The following KALRN variants were observed in gnomAD, a reference collection of about 807,000 sequenced individuals.
KALRN encodes kalirin.
A neutral mutation model predicts 353.7 loss-of-function variants in KALRN; 70 were observed. That is an observed-to-expected ratio of 0.20 (90% CI 0.16 to 0.24). The LOEUF (loss-of-function observed/expected upper bound fraction) is 0.24. KALRN is among the 10% of genes least tolerant of loss of function. The pLI, the probability that KALRN is intolerant of heterozygous loss-of-function variation, is 1.00. For missense variants in KALRN, 2,791 were observed against 3,756.7 expected (o/e 0.74, Z 6.72); for synonymous variants, 1,391 against 1,434.8 (o/e 0.97, Z 0.69).
chr3:124,423,066 CAG>C, intron 15 of KALRN, 88 bp downstream of exon 15: 2 of 1,296,168 alleles, frequency 1.5e-6, no homozygotes, highest in Non-Finnish European at 2.2e-6. Context: ...GTAAGGCATA[CAG>C]AGCCACAGGT....
rs369081481 is a variant in KALRN at position 124,423,545 on chromosome 3, T to C, written c.2709+567T>C. Among the ~76,000 whole-genome samples, 3 of 152,258 alleles carry C rather than the reference T, an allele frequency of 2.0e-5. No homozygotes were observed. The East Asian group carries it at 5.8e-4, about 29-fold the overall frequency. On this transcript the variant is annotated intron_variant, in intron 15 of 59. Transcript: ENST00000682506. ...ATTTTATGCTAGATCTCTAGGAACC[T>C]GTGGGAACATACACACAATGACCAA...
intron 34 of KALRN, among the ~76,000 whole-genome samples, chr3:124,617,286 A>G (rs1228252094): frequency 1.3e-5 from 2 of 152,264 alleles, no homozygotes; most frequent in South Asian, 2.1e-4. Context: ...GTGAACTGTC[A>G]TTGAGCCACT....
chr3:124,036,823 G>A (rs922675134), intron 1 of KALRN, among the ~76,000 whole-genome samples: 2 of 152,200 alleles, frequency 1.3e-5, no homozygotes, highest in Non-Finnish European at 2.9e-5. Flanking sequence ...AAATTATTCT[G>A]TCATTTTGGT....
At chr3:124,330,246 TCACACA>T (rs774251256) in intron 8 of KALRN, among the ~76,000 whole-genome samples, 2,725 of 134,252 alleles carry the variant, frequency 0.02, 60 homozygotes, top group African/African-American at 0.057. Context: ...TCTCTCTCTC[TCACACA>T]CACACACACA....
rs763600599 is a variant in KALRN, at chr3:124,632,436, C to T, written c.5199C>T (p.Ser1733=). ...FPLVKDAYSH[S]SSENGGKSES... is the part of the protein sequence containing the mutation. ...TTTCCTCAGATGCATACTCTCATTC[C>T]TCAAGCGAGAATGGAGGCAAGTCCG... Residue 1733 remains serine, a synonymous_variant, in exon 35 of 60, where the codon TCC becomes TCT. Coordinates refer to ENST00000682506, the MANE Select transcript of KALRN (RefSeq NM_001388419.1). The T allele has an allele frequency of 6.2e-7, 1 of 1,613,918 alleles. No homozygotes were observed. Among genetic ancestry groups the T allele is most frequent in the Non-Finnish European group, 8.5e-7 (1 of 1,179,878 alleles).
intron 1 of KALRN, among the ~76,000 whole-genome samples, chr3:124,117,312 A>G (rs2149555465): frequency 6.7e-6 from 1 of 149,550 alleles, no homozygotes; most frequent in African/African-American, 2.6e-5. Flanking sequence ...ATGGAAAAGA[A>G]AAACAGTGTT....
At chr3:124,678,585 G>T (rs1245960123) in intron 50 of KALRN, 14 of 231,646 alleles carry the variant, frequency 6.0e-5, no homozygotes, top group Non-Finnish European at 1.0e-4. Context: ...ATTATCTGCA[G>T]CATTCTCTTA....
At chr3:124,244,779 A>G (rs898362346) in intron 3 of KALRN, among the ~76,000 whole-genome samples, 1 of 152,122 alleles carries the variant, frequency 6.6e-6, no homozygotes, top group Non-Finnish European at 1.5e-5. Flanking sequence ...CTTTGTCTGT[A>G]TCTTAAGTGG....
rs375070296 is a variant in KALRN, at chr3:124,631,401, C to T, written c.5183-1019C>T. The stretch of plus-strand genomic sequence containing the variant: ...ATGGGCATCTCAAAGATGTCTAAAC[C>T]TAAACTCCTATATTTCCTCCCTGAG... On this transcript the variant is annotated intron_variant, in intron 34 of 59. Transcript: ENST00000682506. 1.5e-4 allele frequency among the ~76,000 whole-genome samples: 23 copies of T among 152,284 alleles called. No homozygotes were observed. The South Asian group carries it at 4.8e-3, about 32-fold the overall frequency.
chr3:124,305,514 C>T (rs2077613687), intron 6 of KALRN, among the ~76,000 whole-genome samples: 1 of 152,128 alleles, frequency 6.6e-6, no homozygotes, highest in African/African-American at 2.4e-5. Context: ...AATTAAATTC[C>T]ATTGACAGCA....
At chr3:124,062,315 A>G (rs1176669424) in intron 1 of KALRN, among the ~76,000 whole-genome samples, 1 of 152,220 alleles carries the variant, frequency 6.6e-6, no homozygotes, top group African/African-American at 2.4e-5. Flanking sequence ...TCTATGGTTT[A>G]GTAAAAATCC....
chr3:124,432,638 A>T (rs991794397), intron 16 of KALRN, among the ~76,000 whole-genome samples: 25 of 152,248 alleles, frequency 1.6e-4, no homozygotes. Context: ...AACACACTTA[A>T]GCATCTCAAT....
chr3:124,671,640 C>CT lies in KALRN; in HGVS notation c.6704-20_6704-19insT. The CT allele has an allele frequency of 6.4e-7, 1 of 1,568,278 alleles. No individual in the cohort carries two copies. Among genetic ancestry groups the CT allele is most frequent in the Non-Finnish European group, 8.8e-7 (1 of 1,138,636 alleles). On this transcript the variant is annotated intron_variant, in intron 47 of 59. Transcript: ENST00000682506. ...TGGGATTCCCAAAGCTTAGAGTAAC[C>CT]ACCTGCTCTTATCCCACAGCACTGC...
At chr3:124,592,207 CAGG>C (rs2149367608) in intron 34 of KALRN, among the ~76,000 whole-genome samples, 1 of 150,226 alleles carries the variant, frequency 6.7e-6, no homozygotes, top group African/African-American at 2.4e-5. Context: ...GAGGCTGAGT[CAGG>C]AGAATTGCTT....
intron 13 of KALRN, among the ~76,000 whole-genome samples, chr3:124,407,471 C>G (rs1325066818): frequency 6.6e-6 from 1 of 152,142 alleles, no homozygotes; most frequent in Non-Finnish European, 1.5e-5. Context: ...AAGTCATTTG[C>G]TCTTGCCTTA....
chr3:124,115,387 C>G (rs2063360229), intron 1 of KALRN, among the ~76,000 whole-genome samples: 1 of 152,190 alleles, frequency 6.6e-6, no homozygotes, highest in Non-Finnish European at 1.5e-5. Flanking sequence ...TGGTGTTAGG[C>G]AGGGCTGCAG....
intron 33 of KALRN, among the ~76,000 whole-genome samples, chr3:124,552,988 A>G (rs1156700685): frequency 6.6e-6 from 1 of 151,736 alleles, no homozygotes; most frequent in Non-Finnish European, 1.5e-5. Context: ...CTGGTCTCGA[A>G]CTCCTGACCT....
intron 6 of KALRN, among the ~76,000 whole-genome samples, chr3:124,302,736 A>G (rs1286814470): frequency 6.6e-6 from 1 of 152,198 alleles, no homozygotes; most frequent in African/African-American, 2.4e-5. Context: ...AAAGTTCAAG[A>G]TCAAGGTGAT....
At chr3:124,390,295 T>C (rs557690983) in intron 11 of KALRN, among the ~76,000 whole-genome samples, 1 of 152,336 alleles carries the variant, frequency 6.6e-6, no homozygotes, top group East Asian at 1.9e-4. Context: ...TAAATATAAG[T>C]CAAGTTAAAT....
Sources: gnomAD v4.1 joint callset for allele counts (sites outside exome capture counted in the v4.1 genomes callset) on GRCh38, gnomAD v4.1.1 for gene constraint, MANE v1.5 for transcripts, NCBI Gene and HGNC (gene_info 2026-07-23, HGNC 2026-07-21) for gene names.